The following CEP164 variants were observed in gnomAD, a reference collection of about 807,000 sequenced individuals.
CEP164 encodes centrosomal protein 164.
A neutral mutation model predicts 182.7 loss-of-function variants in CEP164; 162 were observed. That is an observed-to-expected ratio of 0.89 (90% CI 0.78 to 1.01). CEP164 has a LOEUF of 1.01. CEP164 is among the 50% of genes least tolerant of loss of function. The pLI, the probability that CEP164 is intolerant of heterozygous loss-of-function variation, is 0.00. For synonymous variants in CEP164, 661 were observed against 690.0 expected (o/e 0.96, Z 0.66); for missense variants, 1,735 against 1,790.4 (o/e 0.97, Z 0.56).
At position 117,387,338 on chromosome 11, in the gene CEP164, A is replaced by G. The variant is rs745707423; in HGVS notation, c.1860A>G (p.Gln620=). 2 of 1,614,208 alleles carry G rather than the reference A, an allele frequency of 1.2e-6. No individual in the cohort carries two copies. The highest frequency in any genetic ancestry group is 1.7e-6 in the Non-Finnish European group (2 of 1,180,036). Residue 620 remains glutamine, a synonymous_variant, in exon 15 of 33, where the codon CAA becomes CAG. Coordinates refer to ENST00000278935, the MANE Select transcript of CEP164 (RefSeq NM_014956.5). ...LLESKQEKMQ[Q]LREKLCQEEE... is the part of the protein sequence containing the mutation. ...AATCCAAGCAAGAGAAGATGCAGCA[A>G]CTGCGGGAGAAGCTGTGCCAAGAGG... is the stretch of plus-strand genomic sequence containing the variant.
At chr11:117,385,463 A>G (rs1204248625) in intron 14 of CEP164, 1 of 152,432 alleles carries the variant, frequency 6.6e-6, no homozygotes, top group African/African-American at 2.4e-5. Context: ...CCTCTGTGCA[A>G]GTTCACTGGT....
chr11:117,394,768 G>T lies in CEP164; in HGVS notation c.2761-152G>T, dbSNP rs1449402314. ...CAGCAGGAAGTAAACAAGGTGTGGA[G>T]CCTTCCTGGGAGGCTGCAGGGGCAC... On this transcript the variant is annotated intron_variant, in intron 21 of 32. Transcript: ENST00000278935. This position sits in a 1 kb window ranked among gnomAD's most constrained non-coding sequence, Gnocchi z 4.0. 3.3e-6 allele frequency: 3 copies of T among 912,472 alleles called. No homozygotes were observed. The highest frequency in any genetic ancestry group is 5.1e-6 in the Non-Finnish European group (3 of 585,396). The allele number at this position is 912,472 out of a possible 1,614,324, so 56.5% of individuals were successfully genotyped here.
intron 17 of CEP164, among the ~76,000 whole-genome samples, 178 bp downstream of exon 17, chr11:117,391,393 C>T (rs1447806121): frequency 6.6e-6 from 1 of 151,934 alleles, no homozygotes; most frequent in Non-Finnish European, 1.5e-5. Context: ...CACCTGGGCC[C>T]ATTACTCCAT....
At chr11:117,349,416 T>C (rs772089625) in intron 4 of CEP164, among the ~76,000 whole-genome samples, 1 of 152,224 alleles carries the variant, frequency 6.6e-6, no homozygotes, top group Non-Finnish European at 1.5e-5. Flanking sequence ...GAATCCCTGC[T>C]TTCAATTCAT....
intron 2 of CEP164, among the ~76,000 whole-genome samples, 161 bp downstream of exon 2, chr11:117,335,841 C>T (rs1343269995): frequency 6.6e-6 from 1 of 152,088 alleles, no homozygotes; most frequent in Non-Finnish European, 1.5e-5. Context: ...GGTTTCTAAT[C>T]ATAATTAAAT....
intron 1 of CEP164, among the ~76,000 whole-genome samples, chr11:117,334,237 T>G (rs977901941): frequency 6.6e-6 from 1 of 152,100 alleles, no homozygotes; most frequent in Non-Finnish European, 1.5e-5. Flanking sequence ...CTCGAGTGAG[T>G]AGATGATCTT....
rs146101197 is a variant in CEP164, at chr11:117,391,238, T to A, written c.2283+23T>A. The A allele has an allele frequency of 1.3e-4, 199 of 1,585,446 alleles. No homozygotes were observed. The African/African-American group carries it at 2.4e-3, about 19-fold the overall frequency. On this transcript the variant is annotated intron_variant, in intron 17 of 32. Transcript: ENST00000278935. ...GAAGTGAGCTAGTCAAGTGGGGACC[T>A]CACCCTCTGACCTGTGTCTGGGCTG...
chr11:117,389,167 C>G (rs1470445585), intron 15 of CEP164, among the ~76,000 whole-genome samples: 6 of 152,126 alleles, frequency 3.9e-5, no homozygotes, highest in Non-Finnish European at 8.8e-5. Flanking sequence ...GCTACAGAAG[C>G]TTTTCAAAGG....
In CEP164 at chr11:117,408,894, C is replaced by T. The variant is rs771131644; in HGVS notation, c.3614C>T (p.Ser1205Leu). 3 of 1,614,136 alleles carry T rather than the reference C, an allele frequency of 1.9e-6. No homozygotes were observed. In the South Asian group the frequency reaches 3.3e-5, roughly 18 times the overall value. ...QLESSLWEEA[S>L]DEGTLGGSPT... Reference sequence around the variant, plus strand: ...ACTGCTGACTTTACCCCACAGGCCTCAGATGAGGGCACTCTGGGAGGATCC... The same window carrying T: ...ACTGCTGACTTTACCCCACAGGCCTTAGATGAGGGCACTCTGGGAGGATCC... Residue 1205 changes from serine to leucine, a missense_variant, in exon 29 of 33, where the codon TCA (serine) becomes TTA (leucine). Coordinates refer to ENST00000278935, the MANE Select transcript of CEP164 (RefSeq NM_014956.5).
chr11:117,383,385 A>C (rs532660979), intron 14 of CEP164, among the ~76,000 whole-genome samples: 23 of 152,158 alleles, frequency 1.5e-4, no homozygotes, highest in Non-Finnish European at 1.6e-4. Context: ...GAATGTCTCC[A>C]TCCCTCGAGG....
chr11:117,412,026 C>T lies in CEP164; in HGVS notation c.4287-46C>T, dbSNP rs67023719. 93,021 of 1,611,320 alleles carry T rather than the reference C, an allele frequency of 0.058. 5,280 individuals are homozygous for T. The highest frequency in any genetic ancestry group is 0.24 in the East Asian group (10,655 of 44,854). On this transcript the variant is annotated intron_variant, in intron 32 of 32. Transcript: ENST00000278935. ...GCCTTTGACCCTTTCATGGCCCCTG[C>T]CTGGCTATGCCCAGCGACTGCAGTT...
At chr11:117,395,312 GC>G in intron 23 of CEP164, 121 bp downstream of exon 23, 1 of 1,273,508 alleles carries the variant, frequency 7.9e-7, no homozygotes, top group Non-Finnish European at 1.1e-6. Flanking sequence ...AACTCTGTTG[GC>G]CAGTATTCCA....
At chr11:117,324,294 A>G (rs1042439677), upstream of CEP164, among the ~76,000 whole-genome samples, 1 of 151,998 alleles carries the variant, frequency 6.6e-6, no homozygotes, top group African/African-American at 2.4e-5. Context: ...TAAAACTACA[A>G]AACATAGCCC....
chr11:117,398,332 C>T (rs527903676), intron 27 of CEP164, among the ~76,000 whole-genome samples: 2 of 152,332 alleles, frequency 1.3e-5, no homozygotes, highest in East Asian at 3.9e-4. Flanking sequence ...TCCCAGCTGC[C>T]TTCCGAGGCT....
chr11:117,373,684 C>A (rs2042449809), intron 9 of CEP164, 67 bp from the exon 10 acceptor site: 1 of 1,418,068 alleles, frequency 7.1e-7, no homozygotes, highest in Admixed American at 1.7e-5. Flanking sequence ...AACAGAATTC[C>A]CTGGGTAGGG....
intron 26 of CEP164, among the ~76,000 whole-genome samples, 166 bp from the exon 27 acceptor site, chr11:117,396,925 G>A (rs540252723): frequency 8.5e-5 from 13 of 152,346 alleles, no homozygotes; most frequent in East Asian, 1.9e-4. Flanking sequence ...CAGGCACTGC[G>A]CACTGTGGGT....
chr11:117,395,563 A>G lies in CEP164; in HGVS notation c.2930A>G (p.His977Arg). The change falls in exon 24 of 33, where the codon CAT becomes CGT. Residue 977 changes from histidine to arginine, a missense_variant. Transcript: ENST00000278935. The part of the protein sequence containing the change: ...ALKSEEATAT[H>R]QQLEEAQKEH... ...TGCCCCTAGGAAGCCACAGCCACCC[A>G]TCAGCAGCTGGAGGAGGCACAGAAG... is the stretch of plus-strand genomic sequence containing the variant. 6.2e-7 allele frequency: 1 copy of G among 1,612,164 alleles called. No homozygotes were observed. Among genetic ancestry groups the G allele is most frequent in the Admixed American group, 1.7e-5 (1 of 59,758 alleles).
intron 11 of CEP164, among the ~76,000 whole-genome samples, chr11:117,379,569 G>T (rs1040699692): frequency 3.3e-4 from 51 of 152,280 alleles, no homozygotes; most frequent in African/African-American, 1.1e-3. Flanking sequence ...AATGTGGGAA[G>T]AGGAGCTAAC....
At chr11:117,336,330 T>G in intron 2 of CEP164, 1 of 1,480,632 alleles carries the variant, frequency 6.8e-7, no homozygotes, top group African/African-American at 1.4e-5. Context: ...CTGTCACTGC[T>G]GGTCTGACCA....
Sources: allele counts gnomAD v4.1 joint callset (sites outside exome capture counted in the v4.1 genomes callset), GRCh38; gene constraint gnomAD v4.1.1; non-coding constraint Gnocchi (gnomAD v3.1); transcripts MANE v1.5; gene names NCBI Gene and HGNC (gene_info 2026-07-23, HGNC 2026-07-21).